Variants in DUSP26 observed in about 807,000 individuals in gnomAD.
DUSP26 encodes the protein dual specificity phosphatase 26, also known as dual specificity protein phosphatase 26.
In DUSP26, 12 loss-of-function variants were observed where a neutral mutation model predicts 20.0. That is an observed-to-expected ratio of 0.60 (90% CI 0.38 to 0.97). DUSP26 has a LOEUF of 0.97. Among genes scored for constraint, DUSP26 ranks in the 50% least tolerant of loss-of-function variants. The probability of loss-of-function intolerance (pLI) is 0.00; values close to 1 mark genes in which losing one functional copy is unlikely to be tolerated. For synonymous variants in DUSP26, 120 were observed against 118.8 expected (o/e 1.01, Z -0.06); for missense variants, 230 against 294.0 (o/e 0.78, Z 1.59).
At chr8:33,598,583 A>G (rs970013691) in intron 1 of DUSP26, among the ~76,000 whole-genome samples, 1 of 152,070 alleles carries the variant, frequency 6.6e-6, no homozygotes, top group Non-Finnish European at 1.5e-5. Flanking sequence ...GCTTAGAATT[A>G]CCAACCGTAT....
At position 33,591,654 on chromosome 8, in the gene DUSP26, T is replaced by G; in HGVS notation, c.*359A>C. On this transcript the variant is annotated 3_prime_UTR_variant, in exon 4 of 4. Coordinates refer to ENST00000256261, the MANE Select transcript of DUSP26 (RefSeq NM_024025.3). ...CAAGTGCAGGGCAGAGATGGCCCTT[T>G]TGTTTTGGTGAGGGAGAGAGGGAAA... 7.1e-6 allele frequency: 2 copies of G among 280,100 alleles called. No individual in the cohort carries two copies. The highest frequency in any genetic ancestry group is 6.9e-6 in the Non-Finnish European group (1 of 145,952). 17.4% of individuals were successfully genotyped at this position (280,100 alleles called of 1,614,324 possible).
chr8:33,597,246 C>T, intron 2 of DUSP26, 49 bp downstream of exon 2: 4 of 1,524,552 alleles, frequency 2.6e-6, no homozygotes, highest in Non-Finnish European at 3.6e-6. Context: ...TTCTTACACA[C>T]ACAAACACAC....
At chr8:33,594,164 G>C (rs886719772) in intron 2 of DUSP26, among the ~76,000 whole-genome samples, 7 of 151,952 alleles carry the variant, frequency 4.6e-5, no homozygotes, top group Non-Finnish European at 1.0e-4. Flanking sequence ...TTACTTACTA[G>C]TGATCCAGAA....
chr8:33,595,543 G>A (rs542912665), intron 2 of DUSP26, among the ~76,000 whole-genome samples: 2 of 151,862 alleles, frequency 1.3e-5, no homozygotes, highest in Non-Finnish European at 2.9e-5. Context: ...ACCATGCCAG[G>A]CTAATATTTG....
chr8:33,598,020 G>T (rs1811191826), intron 1 of DUSP26, among the ~76,000 whole-genome samples: 1 of 152,038 alleles, frequency 6.6e-6, no homozygotes, highest in Non-Finnish European at 1.5e-5. Flanking sequence ...GGGGTTGGGG[G>T]TACCTTTAGA....
chr8:33,592,564 AAG>A (rs1455529475), intron 3 of DUSP26, among the ~76,000 whole-genome samples: 16 of 150,138 alleles, frequency 1.1e-4, no homozygotes, highest in African/African-American at 3.9e-4. Context: ...AAAAAAAAAA[AAG>A]GGTGACATGG....
In DUSP26 at chr8:33,592,082, G is replaced by A. The variant is rs1811033955; in HGVS notation, c.567C>T (p.Ile189=). 6.2e-7 allele frequency: 1 copy of A among 1,614,140 alleles called. No individual in the cohort carries two copies. The highest frequency in any genetic ancestry group is 2.2e-5 in the East Asian group (1 of 44,874). ...IKKVKDHRGI[I]PNRGFLRQLL... is the part of the protein sequence containing the mutation. ...GCTGCCTCAGGAAGCCCCGGTTGGG[G>A]ATGATGCCTCGGTGGTCTTTGACTT... is the stretch of plus-strand genomic sequence containing the variant. Residue 189 remains isoleucine (I), a synonymous_variant, in exon 4 of 4, where the codon ATC becomes ATT. Transcript: ENST00000256261.
At chr8:33,593,125 A>C (rs979680818) in intron 3 of DUSP26, among the ~76,000 whole-genome samples, 29 of 152,150 alleles carry the variant, frequency 1.9e-4, no homozygotes, top group Non-Finnish European at 4.1e-4. Flanking sequence ...TACAAAAATT[A>C]GCTGGATGTG....
chr8:33,596,831 G>A (rs991256627), intron 2 of DUSP26, among the ~76,000 whole-genome samples: 1 of 152,138 alleles, frequency 6.6e-6, no homozygotes, highest in African/African-American at 2.4e-5. Context: ...ACAATAGATG[G>A]AAGGTCAGAG....
At chr8:33,597,722 G>A (rs1056613713) in intron 1 of DUSP26, 131 bp from the exon 2 acceptor site, 2 of 517,114 alleles carry the variant, frequency 3.9e-6, no homozygotes, top group South Asian at 5.9e-5. Context: ...GAGCCTTCAG[G>A]GGTGGCTTTT....
chr8:33,592,228 CAGAG>C lies in DUSP26; in HGVS notation c.437-20_437-17del, dbSNP rs148034549. 1.0e-4 allele frequency: 162 copies of C among 1,581,864 alleles called. No homozygotes were observed. In the African/African-American group the frequency reaches 2.0e-3, roughly 20 times the overall value. Reference sequence around the variant, plus strand: ...AGGATCTTCCCTGAGAGGAGAGACACAGAGAGAGCTTTGAGACTGCTTGTGGCAG... The same window carrying C: ...AGGATCTTCCCTGAGAGGAGAGACACAGAGCTTTGAGACTGCTTGTGGCAG... On this transcript the variant is annotated splice_polypyrimidine_tract_variant and intron_variant, in intron 3 of 3. Transcript: ENST00000256261.
chr8:33,597,465 G>A lies in DUSP26; in HGVS notation c.51C>T (p.Phe17=), dbSNP rs1220260920. ...CAGGAGACCTTGAGCTACTCCGGGAGAAGCGGGCCATAAAAGTCATAGAAG... is the reference window on the plus strand; with the variant it reads ...CAGGAGACCTTGAGCTACTCCGGGAAAAGCGGGCCATAAAAGTCATAGAAG... The part of the protein sequence containing the change: ...LWASMTFMAR[F]SRSSSRSPVR... The change falls in exon 2 of 4, where the codon TTC becomes TTT. Residue 17 remains phenylalanine, a synonymous_variant. Coordinates refer to ENST00000256261, the MANE Select transcript of DUSP26 (RefSeq NM_024025.3). 1.9e-5 allele frequency: 31 copies of A among 1,613,984 alleles called. No individual in the cohort carries two copies. Among genetic ancestry groups the A allele is most frequent in the Non-Finnish European group, 2.5e-5 (30 of 1,180,012 alleles).
At chr8:33,592,243 G>A (rs1376526829) in intron 3 of DUSP26, 31 bp from the exon 4 acceptor site, 1 of 1,546,560 alleles carries the variant, frequency 6.5e-7, no homozygotes, top group Non-Finnish European at 8.7e-7. Flanking sequence ...AGAGCTTTGA[G>A]ACTGCTTGTG....
chr8:33,592,307 A>G (rs886729867), intron 3 of DUSP26, 95 bp from the exon 4 acceptor site: 4 of 1,263,178 alleles, frequency 3.2e-6, no homozygotes, highest in Non-Finnish European at 4.3e-6. Flanking sequence ...ATGGTGGCTC[A>G]CGGCGGTAAT....
chr8:33,596,012 G>A (rs997116022), intron 2 of DUSP26, among the ~76,000 whole-genome samples: 2 of 152,162 alleles, frequency 1.3e-5, no homozygotes, highest in African/African-American at 4.8e-5. Flanking sequence ...GGCCAGGCAC[G>A]GTGGCTCATG....
intron 2 of DUSP26, among the ~76,000 whole-genome samples, chr8:33,595,834 T>C (rs1216854249): frequency 2.6e-5 from 4 of 152,142 alleles, no homozygotes; most frequent in African/African-American, 7.2e-5. Flanking sequence ...AGCACTGAAC[T>C]TGAGCCTCCA....
chr8:33,597,420 C>A lies in DUSP26; in HGVS notation c.96G>T (p.Leu32=). ...SRSPVRTRGT[L]EEMPTVQHPF... ...GATGTTGAACGGTTGGCATCTCCTC[C>A]AGGGTCCCTCGAGTTCGAACAGGAG... The change falls in exon 2 of 4, where the codon CTG becomes CTT. Residue 32 remains leucine, a synonymous_variant. Transcript: ENST00000256261. 1 of 1,614,150 alleles carries A rather than the reference C, an allele frequency of 6.2e-7. No homozygotes were observed. Among genetic ancestry groups the A allele is most frequent in the Non-Finnish European group, 8.5e-7 (1 of 1,180,040 alleles).
rs1811027686 is a variant in DUSP26, at chr8:33,591,905, G to A, written c.*108C>T. 4 of 1,311,308 alleles carry A rather than the reference G, an allele frequency of 3.1e-6. No homozygotes were observed. The Admixed American group carries it at 6.1e-5, about 20-fold the overall frequency. The allele number at this position is 1,311,308 out of a possible 1,614,324, so 81.2% of individuals were successfully genotyped here. On this transcript the variant is annotated 3_prime_UTR_variant, in exon 4 of 4. Transcript: ENST00000256261. ...GGCTCGGCCTCTCCTGACCCCAGGGGAGGATGGGTGATCTGGGCCTCCTGC... is the reference window on the plus strand; with the variant it reads ...GGCTCGGCCTCTCCTGACCCCAGGGAAGGATGGGTGATCTGGGCCTCCTGC...
rs1265902140 is a variant in DUSP26 at position 33,592,091 on chromosome 8, T to G, written c.558A>C (p.Arg186=). The G allele has an allele frequency of 2.5e-6, 4 of 1,613,892 alleles. No homozygotes were observed. The highest frequency in any genetic ancestry group is 3.3e-5 in the Admixed American group (2 of 59,964). The change falls in exon 4 of 4, where the codon CGA becomes CGC. Residue 186 remains arginine, a synonymous_variant. Transcript: ENST00000256261. The part of the protein sequence containing the change: ...VEAIKKVKDH[R]GIIPNRGFLR... The stretch of plus-strand genomic sequence containing the variant: ...GGAAGCCCCGGTTGGGGATGATGCC[T>G]CGGTGGTCTTTGACTTTCTTGATGG...
Sources: allele counts gnomAD v4.1 joint callset (sites outside exome capture counted in the v4.1 genomes callset), GRCh38; gene constraint gnomAD v4.1.1; transcripts MANE v1.5; gene names NCBI Gene and HGNC (gene_info 2026-07-23, HGNC 2026-07-21).